SPTBN5: variants seen among roughly 807,000 people sequenced by gnomAD.
SPTBN5 encodes the protein spectrin beta chain, non-erythrocytic 5.
In SPTBN5, 513 loss-of-function variants were observed where a neutral mutation model predicts 477.6. The ratio of observed to expected loss-of-function variants is 1.07; its 90% CI spans 1.00 to 1.16. SPTBN5 has a LOEUF of 1.16. SPTBN5 is among the 50% of genes most tolerant of loss of function. SPTBN5 has a pLI of 0.00. For synonymous variants in SPTBN5, 2,169 were observed against 2,011.7 expected (o/e 1.08, Z -2.09); for missense variants, 5,062 against 4,731.8 (o/e 1.07, Z -2.05).
intron 1 of SPTBN5, 151 bp downstream of exon 1, chr15:41,893,748 C>T: frequency 1.6e-6 from 1 of 612,380 alleles, no homozygotes; most frequent in African/African-American, 1.8e-5. Flanking sequence ...CCAGATTCTT[C>T]TTCTCAGAGC....
chr15:41,861,036 G>A (rs571602924), intron 46 of SPTBN5, among the ~76,000 whole-genome samples: 1 of 152,256 alleles, frequency 6.6e-6, no homozygotes, highest in Non-Finnish European at 1.5e-5. Context: ...CTCCCTGGAG[G>A]ACCATGTTAG....
chr15:41,881,973 T>C lies in SPTBN5; in HGVS notation c.2420A>G (p.Gln807Arg), dbSNP rs747513422. ...FAAELRRLEE[Q>R]GRAASARASL... ...CGCCCGGGCCGAGGCCGCCCGCCCC[T>C]GCTCCTCCAGCCGCCGCAGCTCGGC... Residue 807 changes from glutamine to arginine, a missense_variant, in exon 12 of 68, where the codon CAG becomes CGG. Gln to Arg is a conservative substitution (Grantham distance 43). Coordinates refer to ENST00000320955, the MANE Select transcript of SPTBN5 (RefSeq NM_016642.4). 13 of 1,524,664 alleles carry C rather than the reference T, an allele frequency of 8.5e-6. No homozygotes were observed. Among genetic ancestry groups the C allele is most frequent in the Non-Finnish European group, 5.2e-6 (6 of 1,143,484 alleles). 94.4% of individuals were successfully genotyped at this position (1,524,664 alleles called of 1,614,324 possible). A position where few individuals can be genotyped will look rare whatever the true frequency, so the allele number is the denominator to read the frequency against.
chr15:41,884,099 C>A (rs2067072328), intron 7 of SPTBN5, among the ~76,000 whole-genome samples: 2 of 152,256 alleles, frequency 1.3e-5, no homozygotes, highest in Non-Finnish European at 2.9e-5. Context: ...CATTCTCCTG[C>A]CTCAGCATCC....
At position 41,855,542 on chromosome 15, in the gene SPTBN5, C is replaced by G; in HGVS notation, c.9218+7G>C. 1 of 1,607,124 alleles carries G rather than the reference C, an allele frequency of 6.2e-7. No homozygotes were observed. Among genetic ancestry groups the G allele is most frequent in the Non-Finnish European group, 8.5e-7 (1 of 1,175,964 alleles). On this transcript the variant is annotated splice_region_variant and intron_variant, in intron 54 of 67. Transcript: ENST00000320955. ...GCTCCTTCGCGGATGGTGTGGCTTC[C>G]GCCCACCTTTCTGGGTTCTTCCTGC... is the stretch of plus-strand genomic sequence containing the variant.
chr15:41,879,916 C>A, intron 14 of SPTBN5, 52 bp from the exon 15 acceptor site: 2 of 1,608,352 alleles, frequency 1.2e-6, no homozygotes, highest in Non-Finnish European at 8.5e-7. Context: ...TCTTTCCACA[C>A]TCCCCTCTAG....
rs1329957064 is a variant in SPTBN5, at chr15:41,855,339, TC to T, written c.9307del (p.Glu3103SerfsTer19). Reference sequence around the variant, plus strand: ...CTCCAGCTGGTGTAGCTGCAGCTGCTCCTGCAGGCCGTGCCCCCTGGCCTCC... The same window carrying T: ...CTCCAGCTGGTGTAGCTGCAGCTGCTCTGCAGGCCGTGCCCCCTGGCCTCC... ...RAEARGHGLQ[E>X]QLQLHQLERE... On this transcript the variant is annotated frameshift_variant, in exon 55 of 68. Coordinates refer to ENST00000320955, the MANE Select transcript of SPTBN5 (RefSeq NM_016642.4). LOFTEE classifies it high-confidence loss of function. 6.2e-7 allele frequency: 1 copy of T among 1,607,498 alleles called. No homozygotes were observed. Among genetic ancestry groups the T allele is most frequent in the Non-Finnish European group, 8.5e-7 (1 of 1,179,736 alleles).
chr15:41,877,763 G>A (rs890517336), intron 17 of SPTBN5, among the ~76,000 whole-genome samples: 13 of 152,220 alleles, frequency 8.5e-5, no homozygotes, highest in Non-Finnish European at 1.5e-4. Flanking sequence ...CCTCTGAGCC[G>A]CTGCAGAACC....
At chr15:41,887,907 C>A in intron 5 of SPTBN5, 21 bp downstream of exon 5, 2 of 1,600,544 alleles carry the variant, frequency 1.2e-6, no homozygotes, top group East Asian at 4.5e-5. Flanking sequence ...CAGAGGCCTC[C>A]TGACAAGGGT....
chr15:41,855,345 A>G lies in SPTBN5; in HGVS notation c.9302T>C (p.Leu3101Pro). 3.1e-6 allele frequency: 5 copies of G among 1,606,942 alleles called. No individual in the cohort carries two copies. In the South Asian group the frequency reaches 5.5e-5, roughly 18 times the overall value. ...CTGGTGTAGCTGCAGCTGCTCCTGC[A>G]GGCCGTGCCCCCTGGCCTCCGCCCT... ...LRRAEARGHGLQEQLQLHQLE... is the reference protein window; with the variant it reads ...LRRAEARGHGPQEQLQLHQLE... Residue 3101 changes from leucine (L) to proline (P), a missense_variant, in exon 55 of 68, where the codon CTG (leucine) becomes CCG (proline). Leu to Pro is a moderately conservative substitution (Grantham distance 98). Coordinates refer to ENST00000320955, the MANE Select transcript of SPTBN5 (RefSeq NM_016642.4).
rs1320717702 is a variant in SPTBN5 at position 41,873,954 on chromosome 15, G to A, written c.4781C>T (p.Ala1594Val). 1 of 1,608,848 alleles carries A rather than the reference G, an allele frequency of 6.2e-7. No individual in the cohort carries two copies. Among genetic ancestry groups the A allele is most frequent in the Non-Finnish European group, 8.5e-7 (1 of 1,179,858 alleles). ...RSLAASGHPQ[A>V]QHIVEQCQEL... ...CTGGCACTGCTCCACGATGTGTTGG[G>A]CTTGGGGGTGCCCTGAGGCTGCCAG... Residue 1594 changes from alanine (A) to valine (V), a missense_variant, in exon 25 of 68, where the codon GCC (alanine) becomes GTC (valine). Transcript: ENST00000320955.
rs775648802 is a variant in SPTBN5 at position 41,862,150 on chromosome 15, C to G, written c.7528G>C (p.Glu2510Gln). 1.9e-6 allele frequency: 3 copies of G among 1,592,242 alleles called. No homozygotes were observed. The highest frequency in any genetic ancestry group is 2.6e-6 in the Non-Finnish European group (3 of 1,167,260). Residue 2510 changes from glutamate to glutamine, a missense_variant, in exon 44 of 68, where the codon GAA becomes CAA. Physicochemically the swap from Glu to Gln is conservative, Grantham distance 29. Transcript: ENST00000320955. The part of the protein sequence containing the change: ...RSPVEARRML[E>Q]EHQECKAELD... ...TTCACCTTGCACTCCTGATGCTCTTCTAACATACGCCGGGCTTCCACAGGG... is the reference window on the plus strand; with the variant it reads ...TTCACCTTGCACTCCTGATGCTCTTGTAACATACGCCGGGCTTCCACAGGG...
chr15:41,850,954 C>G lies in SPTBN5; in HGVS notation c.10836-15G>C. ...CACTGGTCAGCCTGGCACCCACAGT[C>G]ACAGGTCAAACTCCACTGTCCCTTT... On this transcript the variant is annotated splice_polypyrimidine_tract_variant and intron_variant, in intron 65 of 67. Transcript: ENST00000320955. 6.3e-7 allele frequency: 1 copy of G among 1,579,604 alleles called. No homozygotes were observed. The highest frequency in any genetic ancestry group is 8.6e-7 in the Non-Finnish European group (1 of 1,159,918).
rs1041269386 is a variant in SPTBN5 at position 41,883,134 on chromosome 15, T to A, written c.1754A>T (p.His585Leu). The A allele has an allele frequency of 6.2e-7, 1 of 1,612,470 alleles. No homozygotes were observed. Among genetic ancestry groups the A allele is most frequent in the African/African-American group, 1.3e-5 (1 of 74,916 alleles). ...AGCAAGATGGCTCACATGGGCTCCG[T>A]GGGCCGAGACTTGAGCCTCCAGCAG... is the stretch of plus-strand genomic sequence containing the variant. ...HDLLEAQVSA[H>L]GAHVSHLAQQ... is the part of the protein sequence containing the mutation. Residue 585 changes from histidine (H) to leucine (L), a missense_variant, in exon 9 of 68, where the codon CAC (histidine) becomes CTC (leucine). Transcript: ENST00000320955.
In SPTBN5 at chr15:41,872,286, G is replaced by T; in HGVS notation, c.5165+16C>A. 2 of 1,608,308 alleles carry T rather than the reference G, an allele frequency of 1.2e-6. No homozygotes were observed. Among genetic ancestry groups the T allele is most frequent in the Non-Finnish European group, 1.7e-6 (2 of 1,178,202 alleles). ...CCTCCTGTACCCACTGATGAGAGGGGTTATGGTGTCCTCACCGTGTGGCCG... is the reference window on the plus strand; with the variant it reads ...CCTCCTGTACCCACTGATGAGAGGGTTTATGGTGTCCTCACCGTGTGGCCG... On this transcript the variant is annotated intron_variant, in intron 27 of 67. Transcript: ENST00000320955.
intron 62 of SPTBN5, 113 bp downstream of exon 62, chr15:41,852,069 G>T: frequency 7.4e-7 from 1 of 1,349,952 alleles, no homozygotes; most frequent in Non-Finnish European, 1.0e-6. Flanking sequence ...TCCTGTGCCC[G>T]GGCTCCCAGC....
chr15:41,873,783 G>A (rs2066620994), intron 25 of SPTBN5, 62 bp downstream of exon 25: 1 of 1,580,958 alleles, frequency 6.3e-7, no homozygotes, highest in Admixed American at 1.7e-5. Context: ...AGTCCCACAG[G>A]TGGCCCCTCA....
chr15:41,851,260 A>C, intron 64 of SPTBN5, 23 bp downstream of exon 64: 1 of 1,551,792 alleles, frequency 6.4e-7, no homozygotes, highest in East Asian at 2.4e-5. Context: ...TGATGTCTGC[A>C]TCTCCCCTAC....
intron 17 of SPTBN5, 24 bp downstream of exon 17, chr15:41,878,318 C>A (rs766114594): frequency 8.1e-6 from 13 of 1,607,250 alleles, no homozygotes; most frequent in Non-Finnish European, 1.1e-5. Context: ...CCAAAGTGCA[C>A]CCCTTCTGCC....
In SPTBN5 at chr15:41,881,985, C is replaced by A; in HGVS notation, c.2408G>T (p.Arg803Leu). The A allele has an allele frequency of 6.5e-7, 1 of 1,537,714 alleles. No individual in the cohort carries two copies. Among genetic ancestry groups the A allele is most frequent in the Non-Finnish European group, 8.7e-7 (1 of 1,151,350 alleles). Residue 803 changes from arginine to leucine, a missense_variant, in exon 12 of 68, where the codon CGG becomes CTG. Transcript: ENST00000320955. Reference sequence around the variant, plus strand: ...GGCCGCCCGCCCCTGCTCCTCCAGCCGCCGCAGCTCGGCCGCGAAGGCGCG... The same window carrying A: ...GGCCGCCCGCCCCTGCTCCTCCAGCAGCCGCAGCTCGGCCGCGAAGGCGCG... The part of the protein sequence containing the change: ...VLRAFAAELR[R>L]LEEQGRAASA...
Sources: allele counts gnomAD v4.1 joint callset (sites outside exome capture counted in the v4.1 genomes callset), GRCh38; gene constraint gnomAD v4.1.1; transcripts MANE v1.5; gene names NCBI Gene and HGNC (gene_info 2026-07-23, HGNC 2026-07-21).